Variants in CDH17 observed in about 807,000 individuals in gnomAD.
CDH17 encodes cadherin 17.
In CDH17, 67 loss-of-function variants were observed where a neutral mutation model predicts 86.3. That is an observed-to-expected ratio of 0.78 (90% CI 0.64 to 0.95). CDH17 has a LOEUF of 0.95. Among genes scored for constraint, CDH17 ranks in the 40% least tolerant of loss-of-function variants. The pLI is 0.00. For missense variants in CDH17, 993 were observed against 1,017.6 expected (o/e 0.98, Z 0.33); for synonymous variants, 367 against 366.4 (o/e 1.00, Z -0.02).
chr8:94,193,939 T>TAA (rs5893268), intron 2 of CDH17, among the ~76,000 whole-genome samples: 14 of 146,772 alleles, frequency 9.5e-5, no homozygotes, highest in South Asian at 4.3e-4. Flanking sequence ...CTTCCTTCTT[T>TAA]AAAAAAAAAA....
At chr8:94,166,895 G>A (rs1296433390) in intron 9 of CDH17, among the ~76,000 whole-genome samples, 2 of 152,246 alleles carry the variant, frequency 1.3e-5, no homozygotes, top group Middle Eastern at 6.8e-3. Flanking sequence ...GACTCTGGAG[G>A]GAACGCTGCC....
chr8:94,173,585 C>T (rs565740026), intron 7 of CDH17, among the ~76,000 whole-genome samples: 10 of 152,264 alleles, frequency 6.6e-5, no homozygotes, highest in South Asian at 2.1e-4. Context: ...AATACAAAAA[C>T]GGCCTAACAT....
At chr8:94,133,879 T>C (rs976853620) in intron 15 of CDH17, among the ~76,000 whole-genome samples, 8 of 152,230 alleles carry the variant, frequency 5.3e-5, no homozygotes, top group Admixed American at 2.0e-4. Flanking sequence ...GGCTGAATTT[T>C]GTCAAAGGCC....
intron 10 of CDH17, among the ~76,000 whole-genome samples, chr8:94,163,045 T>C (rs1253398749): frequency 4.6e-5 from 7 of 152,360 alleles, no homozygotes; most frequent in Non-Finnish European, 8.8e-5. Context: ...ATCTGTAAAC[T>C]GTGAATAACA....
chr8:94,151,888 ATCCTTGGCAG>A lies in CDH17; in HGVS notation c.1766_1775del (p.Thr589IlefsTer7). ...TTTACCTTATGTCCAGACCTTCTGGATCCTTGGCAGTCACATTGCCCACTTTAGTGCCTAT... is the reference window on the plus strand; with the variant it reads ...TTTACCTTATGTCCAGACCTTCTGGATCACATTGCCCACTTTAGTGCCTAT... On this transcript the variant is annotated frameshift_variant, in exon 13 of 18. Coordinates refer to ENST00000027335, the MANE Select transcript of CDH17 (RefSeq NM_004063.4). LOFTEE classifies it high-confidence loss of function. The A allele has an allele frequency of 1.2e-6, 2 of 1,614,142 alleles. No individual in the cohort carries two copies. Among genetic ancestry groups the A allele is most frequent in the Non-Finnish European group, 1.7e-6 (2 of 1,180,006 alleles).
intron 9 of CDH17, among the ~76,000 whole-genome samples, chr8:94,166,270 C>T (rs192070240): frequency 2.1e-3 from 317 of 152,272 alleles, no homozygotes; most frequent in African/African-American, 6.7e-3. Context: ...TGGTTTCTTC[C>T]GAGGCTTCTC....
chr8:94,189,225 T>C lies in CDH17; in HGVS notation c.112A>G (p.Ile38Val), dbSNP rs965845886. Residue 38 changes from isoleucine to valine, a missense_variant, in exon 3 of 18, where the codon ATT (isoleucine) becomes GTT (valine). By Grantham distance (29) the Ile-to-Val change is conservative (BLOSUM62 3). Transcript: ENST00000027335. ...TGACTCGGTTCTTGGCCTTCATAAA[T>C]AGAAAATGTCATGGGTTTCAGGGGT... The part of the protein sequence containing the change: ...SGPLKPMTFS[I>V]YEGQEPSQII... 6.2e-6 allele frequency: 10 copies of C among 1,613,372 alleles called. No homozygotes were observed. Among genetic ancestry groups the C allele is most frequent in the Admixed American group, 1.7e-5 (1 of 59,836 alleles).
At chr8:94,128,550 G>A (rs548069796) in intron 17 of CDH17, among the ~76,000 whole-genome samples, 1 of 152,138 alleles carries the variant, frequency 6.6e-6, no homozygotes, top group Admixed American at 6.5e-5. Context: ...TTGTATGTAT[G>A]TATCAAGTCC....
Position 94,189,239 on chromosome 8 carries a change from G to T in CDH17, c.98C>A (p.Pro33His). 1 of 1,612,784 alleles carries T rather than the reference G, an allele frequency of 6.2e-7. No individual in the cohort carries two copies. The highest frequency in any genetic ancestry group is 8.5e-7 in the Non-Finnish European group (1 of 1,179,714). The stretch of plus-strand genomic sequence containing the variant: ...GCCTTCATAAATAGAAAATGTCATG[G>T]GTTTCAGGGGTCCACTAAACTTCCC... Reference protein sequence around the residue: ...QEGKFSGPLKPMTFSIYEGQE... With the variant: ...QEGKFSGPLKHMTFSIYEGQE... The change falls in exon 3 of 18, where the codon CCC becomes CAC. Residue 33 changes from proline to histidine, a missense_variant. Transcript: ENST00000027335.
chr8:94,151,848 C>G lies in CDH17; in HGVS notation c.1796+20G>C, dbSNP rs1468364272. ...TTGGTGACCACGCAGCCAGGCCTGC[C>G]CAGCACTGTTGCCCTTTACCTTATG... On this transcript the variant is annotated intron_variant, in intron 13 of 17. Coordinates refer to ENST00000027335, the MANE Select transcript of CDH17 (RefSeq NM_004063.4). The G allele has an allele frequency of 6.2e-7, 1 of 1,613,738 alleles. No homozygotes were observed. Among genetic ancestry groups the G allele is most frequent in the Non-Finnish European group, 8.5e-7 (1 of 1,179,854 alleles).
chr8:94,141,179 A>G (rs1427853389), intron 15 of CDH17, among the ~76,000 whole-genome samples: 2 of 152,136 alleles, frequency 1.3e-5, no homozygotes, highest in African/African-American at 2.4e-5. Context: ...ATAATAATGC[A>G]TCAATTAATA....
At chr8:94,148,606 C>G in intron 14 of CDH17, 138 bp downstream of exon 14, 3 of 424,348 alleles carry the variant, frequency 7.1e-6, no homozygotes, top group Non-Finnish European at 1.2e-5. Flanking sequence ...TTGTACCCTT[C>G]TCATCCTTCC....
intron 4 of CDH17, 75 bp from the exon 5 acceptor site, chr8:94,176,754 A>G: frequency 1.4e-6 from 2 of 1,456,180 alleles, no homozygotes; most frequent in South Asian, 2.6e-5. Context: ...ACTTGAAGGA[A>G]ATTAGAACTC....
intron 7 of CDH17, among the ~76,000 whole-genome samples, chr8:94,173,225 G>T (rs1237722668): frequency 6.6e-6 from 1 of 152,150 alleles, no homozygotes; most frequent in African/African-American, 2.4e-5. Context: ...CAAATCTCAT[G>T]TTGAAACGTA....
rs535137354 is a variant in CDH17, at chr8:94,166,121, T to A, written c.1067-145A>T. On this transcript the variant is annotated intron_variant, in intron 9 of 17. Transcript: ENST00000027335. The stretch of plus-strand genomic sequence containing the variant: ...AATGCTCTTAGAGTTATTTTGGTTC[T>A]TCTCATCCTATCATGTAATGGGTTG... 6 of 623,714 alleles carry A rather than the reference T, an allele frequency of 9.6e-6. No individual in the cohort carries two copies. In the Middle Eastern group the frequency reaches 1.7e-3, roughly 172 times the overall value. The allele number at this position is 623,714 out of a possible 1,614,324, so 38.6% of individuals were successfully genotyped here. A position where few individuals can be genotyped will look rare whatever the true frequency, so the allele number is the denominator to read the frequency against.
At chr8:94,174,864 A>G (rs892620499) in intron 5 of CDH17, among the ~76,000 whole-genome samples, 25 of 152,136 alleles carry the variant, frequency 1.6e-4, no homozygotes, top group Non-Finnish European at 4.4e-5. Flanking sequence ...TTTTCTTACT[A>G]TTTTTGTCTT....
intron 15 of CDH17, among the ~76,000 whole-genome samples, chr8:94,136,187 T>C (rs1482320272): frequency 6.6e-6 from 1 of 152,180 alleles, no homozygotes; most frequent in African/African-American, 2.4e-5. Flanking sequence ...TTTCCTGAAT[T>C]TGAATGTTGG....
intron 14 of CDH17, among the ~76,000 whole-genome samples, chr8:94,147,934 T>G (rs1334872283): frequency 6.6e-6 from 1 of 152,212 alleles, no homozygotes; most frequent in African/African-American, 2.4e-5. Flanking sequence ...AGGGGTGGAC[T>G]CCTAGTGTTA....
chr8:94,178,941 G>A (rs182487348), intron 3 of CDH17, among the ~76,000 whole-genome samples: 128 of 151,560 alleles, frequency 8.4e-4, no homozygotes, highest in Non-Finnish European at 1.5e-3. Flanking sequence ...ACAGAAAACT[G>A]CTCCTCCATA....
Sources: allele counts gnomAD v4.1 joint callset (sites outside exome capture counted in the v4.1 genomes callset), GRCh38; gene constraint gnomAD v4.1.1; transcripts MANE v1.5; gene names NCBI Gene and HGNC (gene_info 2026-07-23, HGNC 2026-07-21).